Variants in CC2D2A observed in about 807,000 individuals in gnomAD.
The protein encoded by CC2D2A is coiled-coil and C2 domain containing 2A.
CC2D2A carries 155 observed loss-of-function variants against 212.9 expected under a neutral mutation model. The ratio of observed to expected loss-of-function variants is 0.73; its 90% CI spans 0.64 to 0.83. CC2D2A has a LOEUF of 0.83. Ranked by LOEUF, CC2D2A falls within the 40% of genes least tolerant of loss-of-function variation. The pLI is 0.00. For missense variants in CC2D2A, 1,856 were observed against 1,956.2 expected (o/e 0.95, Z 0.97); for synonymous variants, 667 against 686.5 (o/e 0.97, Z 0.44).
intron 7 of CC2D2A, 48 bp downstream of exon 7, chr4:15,510,288 C>G (rs1394812843): frequency 5.9e-6 from 9 of 1,522,362 alleles, no homozygotes; most frequent in Non-Finnish European, 8.2e-6. Context: ...GTGTTTTTTA[C>G]AAATATCCAA....
chr4:15,599,997 A>G (rs748465307), intron 36 of CC2D2A, among the ~76,000 whole-genome samples: 2 of 152,242 alleles, frequency 1.3e-5, no homozygotes, highest in Non-Finnish European at 2.9e-5. Flanking sequence ...ACAACTGTGC[A>G]TAAGGATCAA....
chr4:15,533,057 T>C (rs1717931477), intron 13 of CC2D2A, 136 bp from the exon 14 acceptor site: 6 of 624,340 alleles, frequency 9.6e-6, no homozygotes, highest in Admixed American at 4.1e-5. Context: ...CATTCACATT[T>C]GTATTTAGTT....
chr4:15,548,010 G>C (rs1718798231), intron 17 of CC2D2A, among the ~76,000 whole-genome samples: 1 of 151,822 alleles, frequency 6.6e-6, no homozygotes, highest in Non-Finnish European at 1.5e-5. Context: ...TTGCACTCCA[G>C]CCTAGGCAAC....
chr4:15,573,174 C>A (rs1030385645), intron 28 of CC2D2A, among the ~76,000 whole-genome samples: 5 of 152,162 alleles, frequency 3.3e-5, no homozygotes, highest in Non-Finnish European at 7.4e-5. Flanking sequence ...AGCTGAGAAA[C>A]CCTGTCTTAA....
chr4:15,543,115 G>T (rs574218024), intron 17 of CC2D2A, among the ~76,000 whole-genome samples: 3 of 152,294 alleles, frequency 2.0e-5, no homozygotes, highest in South Asian at 4.1e-4. Flanking sequence ...GATCTGGGGG[G>T]TGGGTGAGGG....
chr4:15,594,669 C>T (rs1051686070), intron 33 of CC2D2A, among the ~76,000 whole-genome samples: 3 of 152,138 alleles, frequency 2.0e-5, no homozygotes, highest in African/African-American at 4.8e-5. Context: ...TGTATTTTTT[C>T]TCTTTTAGTG....
Position 15,540,856 on chromosome 4 carries a change from G to T in CC2D2A, c.2023G>T (p.Glu675Ter). The T allele has an allele frequency of 6.2e-7, 1 of 1,600,868 alleles. No homozygotes were observed. The highest frequency in any genetic ancestry group is 2.3e-5 in the East Asian group (1 of 44,436). Residue 675 changes from glutamate to a stop codon, truncating the protein, a stop_gained, in exon 17 of 37, where the codon GAG (glutamate) becomes TAG (stop). Transcript: ENST00000424120. LOFTEE classifies it high-confidence loss of function. ...TTGCAGAGCGGAGGTCTCGAGAAGG[G>T]AGGATGTAAAGAAGCGCTCAGTGTA... ...QCPRAEVSRR[E>*]DVKKRSVYLK...
chr4:15,512,877 G>A (rs566732025), intron 8 of CC2D2A, among the ~76,000 whole-genome samples: 25 of 151,604 alleles, frequency 1.6e-4, no homozygotes, highest in Middle Eastern at 6.8e-3. Context: ...ACTTGAACAC[G>A]AGAGGCAGAC....
chr4:15,549,144 G>T (rs1046311818), intron 17 of CC2D2A, among the ~76,000 whole-genome samples: 2 of 152,138 alleles, frequency 1.3e-5, no homozygotes, highest in African/African-American at 4.8e-5. Context: ...GAAGTAAGAT[G>T]GTCATAACAT....
chr4:15,572,600 G>GGACA (rs1260454478), intron 28 of CC2D2A, among the ~76,000 whole-genome samples: 1 of 151,278 alleles, frequency 6.6e-6, no homozygotes, highest in Non-Finnish European at 1.5e-5. Flanking sequence ...ACAATGCACA[G>GGACA]GACAGACCTC....
Position 15,553,209 on chromosome 4 carries a change from C to A in CC2D2A, c.2390C>A (p.Thr797Asn). 6.2e-7 allele frequency: 1 copy of A among 1,611,700 alleles called. No homozygotes were observed. Among genetic ancestry groups the A allele is most frequent in the Non-Finnish European group, 8.5e-7 (1 of 1,179,102 alleles). The change falls in exon 19 of 37, where the codon ACC becomes AAC. Residue 797 changes from threonine (T) to asparagine (N), a missense_variant. Thr to Asn is a moderately conservative substitution (Grantham distance 65). This residue lies in a region of CC2D2A where 1,512 missense variants were observed against 1,579.3 expected (regional missense o/e 0.96). Transcript: ENST00000424120. ...ADGSNQLTLM[T>N]SGKVSHSVAW... ...GGCAGTAACCAGCTGACTCTGATGA[C>A]CTCAGGGAAAGTGTCTCATAGTGTG...
rs1217943247 is a variant in CC2D2A, at chr4:15,514,853, A to G, written c.864A>G (p.Ile288Met). ...AGATGGAAAGAGAAATGCTCTTCAT[A>G]CCCAGTAGGCAGACAGGTACTTGCT... ...RLQMEREMLF[I>M]PSRQTVPTYK... The change falls in exon 9 of 37, where the codon ATA becomes ATG. Residue 288 changes from isoleucine (I) to methionine (M), a missense_variant. Ile to Met is a conservative substitution (Grantham distance 10). Coordinates refer to ENST00000424120, the MANE Select transcript of CC2D2A (RefSeq NM_001378615.1). The G allele has an allele frequency of 3.7e-6, 6 of 1,613,734 alleles. No individual in the cohort carries two copies. Among genetic ancestry groups the G allele is most frequent in the Non-Finnish European group, 5.1e-6 (6 of 1,179,790 alleles).
intron 11 of CC2D2A, among the ~76,000 whole-genome samples, chr4:15,517,517 C>G (rs1716952363): frequency 6.6e-6 from 1 of 152,176 alleles, no homozygotes; most frequent in South Asian, 2.1e-4. Context: ...CTACCATTCA[C>G]TGGGTGAACT....
At position 15,599,442 on chromosome 4, in the gene CC2D2A, C is replaced by T. The variant is rs1721476450; in HGVS notation, c.4497-87C>T. The stretch of plus-strand genomic sequence containing the variant: ...ATCAACAAAAATATAGTTATACAAT[C>T]ATCTGAATCCCCACTACATACTACA... On this transcript the variant is annotated intron_variant, in intron 35 of 36. Transcript: ENST00000424120. 9 of 792,414 alleles carry T rather than the reference C, an allele frequency of 1.1e-5. No homozygotes were observed. The East Asian group carries it at 2.5e-4, about 22-fold the overall frequency. 49.1% of individuals were successfully genotyped at this position (792,414 alleles called of 1,614,324 possible). A position where few individuals can be genotyped will look rare whatever the true frequency, so the allele number is the denominator to read the frequency against.
At chr4:15,587,020 G>A (rs964703337) in intron 31 of CC2D2A, among the ~76,000 whole-genome samples, 2 of 152,166 alleles carry the variant, frequency 1.3e-5, no homozygotes, top group Non-Finnish European at 2.9e-5. Flanking sequence ...TAGAATTTGT[G>A]TACTCTAGAG....
At chr4:15,550,192 T>C (rs934150443) in intron 17 of CC2D2A, among the ~76,000 whole-genome samples, 5 of 152,182 alleles carry the variant, frequency 3.3e-5, no homozygotes, top group African/African-American at 9.7e-5. Flanking sequence ...CTTCACCTCA[T>C]GGTGATGGCA....
At chr4:15,549,848 G>A (rs569886465) in intron 17 of CC2D2A, among the ~76,000 whole-genome samples, 7 of 152,234 alleles carry the variant, frequency 4.6e-5, no homozygotes, top group African/African-American at 1.2e-4. Flanking sequence ...GAGGGTTGGC[G>A]GAAAGAATCC....
At chr4:15,477,049 T>A (rs1714265056) in intron 2 of CC2D2A, among the ~76,000 whole-genome samples, 1 of 152,166 alleles carries the variant, frequency 6.6e-6, no homozygotes, top group African/African-American at 2.4e-5. Flanking sequence ...ACGCCTGTAA[T>A]CCCAGCACTT....
intron 33 of CC2D2A, among the ~76,000 whole-genome samples, chr4:15,591,472 G>A (rs903512515): frequency 6.6e-6 from 1 of 152,118 alleles, no homozygotes; most frequent in Non-Finnish European, 1.5e-5. Flanking sequence ...GCCCGCCTCA[G>A]CCTCCCAAAG....
Sources: gnomAD v4.1 joint callset for allele counts (sites outside exome capture counted in the v4.1 genomes callset) on GRCh38, gnomAD v4.1.1 for gene constraint, gnomAD v4.1.1 regional missense constraint, MANE v1.5 for transcripts, NCBI Gene and HGNC (gene_info 2026-07-23, HGNC 2026-07-21) for gene names.